SNX29: variants seen among roughly 807,000 people sequenced by gnomAD.
SNX29 encodes the protein sorting nexin-29.
A neutral mutation model predicts 102.1 loss-of-function variants in SNX29; 78 were observed. The ratio of observed to expected loss-of-function variants is 0.76; its 90% CI spans 0.64 to 0.92. The LOEUF is 0.92. Ranked by LOEUF, SNX29 falls within the 40% of genes least tolerant of loss-of-function variation. The pLI is 0.00. For missense variants in SNX29, 1,280 were observed against 1,061.7 expected (o/e 1.21, Z -2.86); for synonymous variants, 580 against 414.5 (o/e 1.40, Z -4.85).
At chr16:12,279,373 C>T (rs2079358711) in intron 15 of SNX29, among the ~76,000 whole-genome samples, 1 of 152,188 alleles carries the variant, frequency 6.6e-6, no homozygotes, top group African/African-American at 2.4e-5. Flanking sequence ...GCTTTAGAAA[C>T]AGCTTGCATT....
chr16:12,152,172 G>T (rs879638112), intron 13 of SNX29, among the ~76,000 whole-genome samples: 1 of 152,058 alleles, frequency 6.6e-6, no homozygotes, highest in Non-Finnish European at 1.5e-5. Context: ...AGTAAGCTGA[G>T]ACTGTGCCGT....
At chr16:12,366,320 C>T (rs1017471987) in intron 16 of SNX29, among the ~76,000 whole-genome samples, 12 of 152,152 alleles carry the variant, frequency 7.9e-5, no homozygotes, top group Admixed American at 6.5e-4. Context: ...TCATTATGTT[C>T]CAGAATTATT....
intron 20 of SNX29, among the ~76,000 whole-genome samples, chr16:12,554,725 CTT>C (rs1233188267): frequency 6.6e-6 from 1 of 152,172 alleles, no homozygotes; most frequent in Non-Finnish European, 1.5e-5. Context: ...GTCTTTCAGT[CTT>C]TCAGTTTGCA....
At chr16:12,384,792 C>T (rs1216879688) in intron 16 of SNX29, among the ~76,000 whole-genome samples, 3 of 152,202 alleles carry the variant, frequency 2.0e-5, no homozygotes, top group Admixed American at 6.5e-5. Flanking sequence ...AGAAAGTCTG[C>T]ATGACCCACA....
At chr16:12,128,520 T>G (rs1454006667) in intron 12 of SNX29, among the ~76,000 whole-genome samples, 1 of 149,872 alleles carries the variant, frequency 6.7e-6, no homozygotes, top group Non-Finnish European at 1.5e-5. Flanking sequence ...TGGTGTGATC[T>G]CGGCTCACTG....
In SNX29 at chr16:12,570,366, C is replaced by G. The variant is rs368953671; in HGVS notation, c.*1737C>G. ...CTCACCTGCCAACATTGCTGCAATA[C>G]ACATGGTTTATCTGAAATTCCAAGG... On this transcript the variant is annotated 3_prime_UTR_variant, in exon 21 of 21. Coordinates refer to ENST00000566228, the MANE Select transcript of SNX29 (RefSeq NM_032167.5). The G allele has an allele frequency of 8.4e-5, 40 of 478,572 alleles. No individual in the cohort carries two copies. The East Asian group carries it at 9.7e-4, about 12-fold the overall frequency. 29.6% of individuals were successfully genotyped at this position (478,572 alleles called of 1,614,324 possible). A position where few individuals can be genotyped will look rare whatever the true frequency, so the allele number is the denominator to read the frequency against.
intron 13 of SNX29, among the ~76,000 whole-genome samples, chr16:12,155,168 C>G (rs972204095): frequency 4.6e-5 from 7 of 152,174 alleles, no homozygotes; most frequent in Non-Finnish European, 8.8e-5. Flanking sequence ...CCAGGGGACT[C>G]TGGCTCTTGT....
chr16:12,272,480 G>A (rs2079119898), intron 14 of SNX29, among the ~76,000 whole-genome samples: 1 of 152,182 alleles, frequency 6.6e-6, no homozygotes, highest in Non-Finnish European at 1.5e-5. Context: ...TTCATGCTGC[G>A]GTGCCTGCCA....
intron 14 of SNX29, among the ~76,000 whole-genome samples, chr16:12,231,141 A>T (rs13338217): frequency 6.6e-6 from 1 of 152,132 alleles, no homozygotes; most frequent in Non-Finnish European, 1.5e-5. Context: ...ATGTTAGCCA[A>T]TGTGCCCTGC....
intron 1 of SNX29, among the ~76,000 whole-genome samples, chr16:11,998,709 C>A (rs2056177081): frequency 6.6e-6 from 1 of 152,210 alleles, no homozygotes; most frequent in Non-Finnish European, 1.5e-5. Flanking sequence ...TTTCCCAGAA[C>A]TTTGGGAGCC....
At chr16:12,241,212 T>A (rs577785761) in intron 14 of SNX29, among the ~76,000 whole-genome samples, 1 of 152,124 alleles carries the variant, frequency 6.6e-6, no homozygotes, top group African/African-American at 2.4e-5. Flanking sequence ...GAGTAATGAG[T>A]ATTGAGTAAA....
chr16:12,117,141 C>G (rs1027811065), intron 11 of SNX29, among the ~76,000 whole-genome samples: 1 of 147,276 alleles, frequency 6.8e-6, no homozygotes, highest in Non-Finnish European at 1.5e-5. Flanking sequence ...GTGGTCAATA[C>G]GTGCTTCAGT....
intron 20 of SNX29, among the ~76,000 whole-genome samples, chr16:12,541,439 C>T (rs955730388): frequency 6.6e-6 from 1 of 152,150 alleles, no homozygotes; most frequent in Non-Finnish European, 1.5e-5. Flanking sequence ...TCATCAATGT[C>T]TCAAAGGACC....
chr16:12,568,466 C>T (rs1567224643), intron 20 of SNX29, 40 bp from the exon 21 acceptor site: 6 of 1,604,182 alleles, frequency 3.7e-6, no homozygotes, highest in Middle Eastern at 1.7e-4. Context: ...ATTTGCTTTT[C>T]ATCCCCAGAC....
intron 19 of SNX29, among the ~76,000 whole-genome samples, chr16:12,503,945 T>C (rs2089247003): frequency 6.6e-6 from 1 of 152,174 alleles, no homozygotes; most frequent in Non-Finnish European, 1.5e-5. Flanking sequence ...AATGCACAAG[T>C]CAGTGGCTCT....
intron 11 of SNX29, among the ~76,000 whole-genome samples, chr16:12,097,550 T>TC (rs985666605): frequency 1.3e-5 from 2 of 151,422 alleles, no homozygotes; most frequent in African/African-American, 4.9e-5. Flanking sequence ...TGATTTTTTT[T>TC]TTTGGTCTTT....
intron 15 of SNX29, among the ~76,000 whole-genome samples, chr16:12,284,221 A>G (rs911057398): frequency 2.6e-5 from 4 of 152,212 alleles, no homozygotes; most frequent in African/African-American, 9.6e-5. Context: ...AAGCACATGT[A>G]TCGCGTGTCA....
At chr16:12,550,556 C>T (rs1313205261) in intron 20 of SNX29, among the ~76,000 whole-genome samples, 1 of 149,732 alleles carries the variant, frequency 6.7e-6, no homozygotes, top group African/African-American at 2.5e-5. Context: ...AACCAAACAC[C>T]AAATATGAGG....
chr16:12,514,696 C>G (rs2089784608), intron 19 of SNX29, among the ~76,000 whole-genome samples: 1 of 152,116 alleles, frequency 6.6e-6, no homozygotes, highest in Non-Finnish European at 1.5e-5. Context: ...GAAACCCCGT[C>G]TCTAGTAAAA....
Sources: gnomAD v4.1 joint callset for allele counts (sites outside exome capture counted in the v4.1 genomes callset) on GRCh38, gnomAD v4.1.1 for gene constraint, MANE v1.5 for transcripts, NCBI Gene and HGNC (gene_info 2026-07-23, HGNC 2026-07-21) for gene names.